TENM2: variants seen among roughly 807,000 people sequenced by gnomAD.
TENM2 encodes teneurin-2.
Under a neutral mutation model 245.2 loss-of-function variants are expected in TENM2, and 52 were observed. The observed-to-expected ratio is 0.21, with a 90% CI of 0.17 to 0.27. TENM2 has a LOEUF of 0.27. Among genes scored for constraint, TENM2 ranks in the 10% least tolerant of loss-of-function variants. TENM2 has a pLI of 1.00. For synonymous variants in TENM2, 1,363 were observed against 1,438.9 expected (o/e 0.95, Z 1.19); for missense variants, 3,046 against 3,666.8 (o/e 0.83, Z 4.37).
chr5:167,219,194 G>T, the TENM2 span, among the ~76,000 whole-genome samples: 1 of 152,092 alleles, frequency 6.6e-6, no homozygotes, highest in Admixed American at 6.6e-5. Flanking sequence ...TAGCGTTTTG[G>T]AAGGCTGAGA....
chr5:167,458,486 CAAAAAAACAA>C (rs1766061648), intron 2 of TENM2, among the ~76,000 whole-genome samples: 2 of 35,760 alleles, frequency 5.6e-5, no homozygotes, highest in South Asian at 2.1e-3. Flanking sequence ...GACTCCGTCT[CAAAAAAACAA>C]AAAAAAAAAA....
At chr5:168,105,252 A>T (rs1794149094) in intron 9 of TENM2, among the ~76,000 whole-genome samples, 1 of 152,224 alleles carries the variant, frequency 6.6e-6, no homozygotes, top group Non-Finnish European at 1.5e-5. Flanking sequence ...CACAGCACAC[A>T]TGCAGAGGGC....
At chr5:167,734,489 A>T (rs1322840979) in intron 2 of TENM2, among the ~76,000 whole-genome samples, 1 of 148,424 alleles carries the variant, frequency 6.7e-6, no homozygotes, top group Non-Finnish European at 1.5e-5. Flanking sequence ...TATATGCAAT[A>T]TATTATATAT....
At chr5:167,660,464 CAAAAAAAAAAA>C (rs749846307) in intron 2 of TENM2, 2 of 33,154 alleles carry the variant, frequency 6.0e-5, no homozygotes, top group African/African-American at 7.2e-5. Context: ...GGCTGTGTCT[CAAAAAAAAAAA>C]AAAAAAAAAA....
At chr5:167,624,680 A>G (rs1778387090) in intron 2 of TENM2, among the ~76,000 whole-genome samples, 1 of 152,192 alleles carries the variant, frequency 6.6e-6, no homozygotes, top group Admixed American at 6.5e-5. Flanking sequence ...CAAGTTTCTC[A>G]TCCACTTAAA....
intron 2 of TENM2, among the ~76,000 whole-genome samples, chr5:167,705,991 ATT>A (rs778792494): frequency 0.17 from 12,024 of 71,754 alleles, 645 homozygotes; most frequent in East Asian, 0.51. Context: ...ATATATATAT[ATT>A]TATTTATTTA....
chr5:167,552,165 C>T (rs778678040), intron 2 of TENM2, among the ~76,000 whole-genome samples: 28 of 152,124 alleles, frequency 1.8e-4, no homozygotes, highest in Non-Finnish European at 2.9e-4. Context: ...CTAGGCAAGG[C>T]GGCAAAATTC....
intron 2 of TENM2, chr5:167,754,810 C>T (rs549593693): frequency 2.1e-5 from 8 of 384,412 alleles, no homozygotes; most frequent in East Asian, 8.4e-5. Flanking sequence ...GCAGGACTTG[C>T]GGTTGGCATT....
chr5:168,162,785 C>T, intron 13 of TENM2, 28 bp downstream of exon 15: 1 of 1,610,690 alleles, frequency 6.2e-7, no homozygotes, highest in Non-Finnish European at 8.5e-7. Flanking sequence ...CATTCCCAGC[C>T]CCTAAGAGCA....
chr5:168,007,870 G>A (rs1784942951), intron 5 of TENM2, among the ~76,000 whole-genome samples: 2 of 152,080 alleles, frequency 1.3e-5, no homozygotes, highest in South Asian at 2.1e-4. Context: ...TGGGAAAGTC[G>A]ATTAAATTTC....
chr5:167,234,817 G>A, the TENM2 span, among the ~76,000 whole-genome samples: 31,706 of 152,092 alleles, frequency 0.21, 3,881 homozygotes, highest in African/African-American at 0.34. Flanking sequence ...TAAAAATGTG[G>A]TGAAAATGAC....
At chr5:167,568,657 G>GTGTGTA (rs112273273) in intron 2 of TENM2, among the ~76,000 whole-genome samples, 6,059 of 150,468 alleles carry the variant, frequency 0.04, 195 homozygotes, top group African/African-American at 0.089. Context: ...GTGTGTGTGT[G>GTGTGTA]TGTGTGTGTG....
chr5:167,135,934 A>G, the TENM2 span, among the ~76,000 whole-genome samples: 14 of 152,240 alleles, frequency 9.2e-5, no homozygotes, highest in Admixed American at 4.6e-4. Context: ...TTTTATTTCC[A>G]GTAGTACCTA....
At chr5:167,639,574 C>A (rs1256226378) in intron 2 of TENM2, among the ~76,000 whole-genome samples, 1 of 152,162 alleles carries the variant, frequency 6.6e-6, no homozygotes, top group Non-Finnish European at 1.5e-5. Context: ...ACAGTTATGC[C>A]TGGAATATCC....
chr5:167,205,611 A>G, the TENM2 span, among the ~76,000 whole-genome samples: 2 of 152,128 alleles, frequency 1.3e-5, no homozygotes, highest in African/African-American at 4.8e-5. Context: ...AAGATGCCAT[A>G]TTAGTTTTCT....
chr5:167,796,938 C>T (rs971227038), intron 2 of TENM2, among the ~76,000 whole-genome samples: 1 of 151,776 alleles, frequency 6.6e-6, no homozygotes, highest in Non-Finnish European at 1.5e-5. Context: ...ATTCTTTCCT[C>T]CCTCATACTG....
At chr5:167,689,145 T>G (rs1004754619) in intron 2 of TENM2, among the ~76,000 whole-genome samples, 1 of 152,192 alleles carries the variant, frequency 6.6e-6, no homozygotes, top group Admixed American at 6.5e-5. Flanking sequence ...CTGTGAAAAC[T>G]AAAGCAGAGG....
intron 1 of TENM2, among the ~76,000 whole-genome samples, chr5:167,337,123 CAAAAAAAAA>C (rs71591174): frequency 2.6e-4 from 15 of 56,666 alleles, no homozygotes; most frequent in African/African-American, 8.9e-4. Flanking sequence ...GACTCCGTCT[CAAAAAAAAA>C]AAAAAAAAAA....
chr5:167,559,845 A>G (rs1358811722), intron 2 of TENM2, among the ~76,000 whole-genome samples: 1 of 152,214 alleles, frequency 6.6e-6, no homozygotes. Flanking sequence ...CGTGCTTCAA[A>G]TTAATATCTG....
Sources: gnomAD v4.1 joint callset for allele counts (sites outside exome capture counted in the v4.1 genomes callset) on GRCh38, gnomAD v4.1.1 for gene constraint, MANE v1.5 for transcripts, NCBI Gene and HGNC (gene_info 2026-07-23, HGNC 2026-07-21) for gene names.